Variants in SRSF11 observed in about 807,000 individuals in gnomAD.
SRSF11 encodes serine/arginine-rich splicing factor 11.
Under a neutral mutation model 56.0 loss-of-function variants are expected in SRSF11, and 9 were observed. The ratio of observed to expected loss-of-function variants is 0.16; its 90% CI spans 0.10 to 0.28. SRSF11 has a LOEUF of 0.28. Among genes scored for constraint, SRSF11 ranks in the 10% least tolerant of loss-of-function variants. The pLI is 1.00. For synonymous variants in SRSF11, 222 were observed against 215.3 expected, an observed-to-expected ratio of 1.03 and a Z score of -0.27; for missense variants, 421 against 600.7, an observed-to-expected ratio of 0.70 and a Z score of 3.13.
chr1:70,230,857 C>T, intron 2 of SRSF11: 2 of 1,171,586 alleles, frequency 1.7e-6, no homozygotes, highest in Non-Finnish European at 2.1e-6. Context: ...CAAAATTATC[C>T]CATAATCTTT....
At chr1:70,242,989 T>C (rs914142232) in intron 7 of SRSF11, among the ~76,000 whole-genome samples, 13 of 152,090 alleles carry the variant, frequency 8.5e-5, no homozygotes, top group African/African-American at 3.1e-4. Flanking sequence ...AGGAATTGTT[T>C]AGTAAATAGT....
At position 70,251,137 on chromosome 1, in the gene SRSF11, T is replaced by C. The variant is rs1350446626; in HGVS notation, c.*332T>C. 1 of 214,028 alleles carries C rather than the reference T, an allele frequency of 4.7e-6. No individual in the cohort carries two copies. The highest frequency in any genetic ancestry group is 9.5e-6 in the Non-Finnish European group (1 of 105,436). 13.3% of individuals were successfully genotyped at this position (214,028 alleles called of 1,614,324 possible). Reference sequence around the variant, plus strand: ...CGTATGATATCCTTTATTAAGTAAGTTCACTTATAGTATTTCTATAATTTG... The same window carrying C: ...CGTATGATATCCTTTATTAAGTAAGCTCACTTATAGTATTTCTATAATTTG... On this transcript the variant is annotated 3_prime_UTR_variant, in exon 12 of 12. Coordinates refer to ENST00000370949, the MANE Select transcript of SRSF11 (RefSeq NM_001350605.2).
At chr1:70,240,347 G>A (rs1675063378) in intron 7 of SRSF11, among the ~76,000 whole-genome samples, 1 of 152,160 alleles carries the variant, frequency 6.6e-6, no homozygotes, top group Non-Finnish European at 1.5e-5. Context: ...TGCCAGTGAA[G>A]AAGATAGTGA....
intron 3 of SRSF11, 135 bp downstream of exon 3, chr1:70,232,512 C>A: frequency 1.6e-6 from 1 of 640,906 alleles, no homozygotes; most frequent in Admixed American, 3.2e-5. Flanking sequence ...ATCAAAATCA[C>A]AAATAGTATA....
At chr1:70,226,910 G>A (rs774711866) in intron 1 of SRSF11, among the ~76,000 whole-genome samples, 69 of 152,190 alleles carry the variant, frequency 4.5e-4, no homozygotes, top group Non-Finnish European at 7.9e-4. Flanking sequence ...TAGCAGCAGT[G>A]TTTCACATCT....
chr1:70,229,433 C>T, intron 2 of SRSF11: 1 of 1,072,436 alleles, frequency 9.3e-7, no homozygotes, highest in Non-Finnish European at 1.1e-6. Flanking sequence ...TCTAAAAAGC[C>T]ACTGTGACAA....
chr1:70,221,534 GAC>G lies in SRSF11; in HGVS notation c.-100_-99del. On this transcript the variant is annotated 5_prime_UTR_variant, in exon 1 of 12. Coordinates refer to ENST00000370949, the MANE Select transcript of SRSF11 (RefSeq NM_001350605.2). ...AGCAGTAGCAGAGGCTGTAGCATCG[GAC>G]ACCCTCCTCTCTCCCGCAATCCGGT... The G allele has an allele frequency of 4.2e-6, 6 of 1,436,950 alleles. No homozygotes were observed. Among genetic ancestry groups the G allele is most frequent in the Non-Finnish European group, 5.6e-6 (6 of 1,066,672 alleles). 89.0% of individuals were successfully genotyped at this position (1,436,950 alleles called of 1,614,324 possible). A position where few individuals can be genotyped will look rare whatever the true frequency, so the allele number is the denominator to read the frequency against.
chr1:70,218,171 T>C (rs1294128182), upstream of SRSF11, among the ~76,000 whole-genome samples: 3 of 152,156 alleles, frequency 2.0e-5, no homozygotes, highest in Non-Finnish European at 4.4e-5. Context: ...GGTTTCACCA[T>C]GTTAGCCAGG....
At chr1:70,228,868 C>A in intron 2 of SRSF11, 1 of 1,067,740 alleles carries the variant, frequency 9.4e-7, no homozygotes, top group Non-Finnish European at 1.1e-6. Context: ...TATGAAAAAG[C>A]CCTGAAGGTA....
intron 9 of SRSF11, among the ~76,000 whole-genome samples, chr1:70,247,999 G>C (rs1418837510): frequency 1.3e-5 from 2 of 152,086 alleles, no homozygotes; most frequent in Non-Finnish European, 2.9e-5. Context: ...AAATCAAAAA[G>C]ACAGATGATA....
rs1674375110 is a variant in SRSF11 at position 70,237,447 on chromosome 1, C to G, written c.613C>G (p.Leu205Val). The G allele has an allele frequency of 6.2e-7, 1 of 1,613,564 alleles. No individual in the cohort carries two copies. The highest frequency in any genetic ancestry group is 2.2e-5 in the East Asian group (1 of 44,848). Residue 205 changes from leucine to valine, a missense_variant, in exon 6 of 12, where the codon CTC (leucine) becomes GTC (valine). Leu to Val is a conservative substitution (Grantham distance 32). This residue lies in a region of SRSF11 where 168 missense variants were observed against 294.9 expected (regional missense o/e 0.57). Coordinates refer to ENST00000370949, the MANE Select transcript of SRSF11 (RefSeq NM_001350605.2). ...DPKLNHVAAG[L>V]VSPSLKSDTS... ...CAGGTTGAATCATGTAGCTGCTGGT[C>G]TCGTTTCACCAAGTCTGAAATCGGA...
At chr1:70,229,978 A>G in intron 2 of SRSF11, 1 of 985,418 alleles carries the variant, frequency 1.0e-6, no homozygotes, top group African/African-American at 1.7e-5. Flanking sequence ...AAGACCATCA[A>G]CAGAAAATTT....
At chr1:70,246,517 G>C (rs1300851451) in intron 8 of SRSF11, among the ~76,000 whole-genome samples, 1 of 152,014 alleles carries the variant, frequency 6.6e-6, no homozygotes, top group Non-Finnish European at 1.5e-5. Context: ...GAGGAGCCTA[G>C]AGATAGTTAA....
chr1:70,215,986 G>C (rs141739302), intron 1 of SRSF11, among the ~76,000 whole-genome samples: 1 of 152,098 alleles, frequency 6.6e-6, no homozygotes, highest in Non-Finnish European at 1.5e-5. Flanking sequence ...GGGTTTCTCC[G>C]TATTGGTCAG....
At chr1:70,247,242 A>AT (rs1462996016) in intron 9 of SRSF11, 12 of 371,164 alleles carry the variant, frequency 3.2e-5, no homozygotes, top group African/African-American at 2.4e-4. Flanking sequence ...TATATTTATC[A>AT]TCTGCATGTT....
intron 1 of SRSF11, 29 bp from the exon 2 acceptor site, chr1:70,228,393 C>T: frequency 3.2e-6 from 5 of 1,548,498 alleles, no homozygotes; most frequent in South Asian, 2.3e-5. Context: ...TATTCTGTTT[C>T]TCTTTTATGT....
intron 1 of SRSF11, among the ~76,000 whole-genome samples, chr1:70,213,347 A>G (rs1041084113): frequency 2.6e-5 from 4 of 152,240 alleles, no homozygotes; most frequent in Non-Finnish European, 5.9e-5. Context: ...TTACATTTAT[A>G]TAGTTTGAAT....
At chr1:70,232,454 G>T in intron 3 of SRSF11, 77 bp downstream of exon 3, 9 of 1,109,346 alleles carry the variant, frequency 8.1e-6, no homozygotes, top group Non-Finnish European at 1.2e-5. Context: ...TTTGAACTTT[G>T]TAAGTACTCA....
chr1:70,219,466 T>C (rs1670312875), upstream of SRSF11, among the ~76,000 whole-genome samples: 1 of 152,180 alleles, frequency 6.6e-6, no homozygotes, highest in Non-Finnish European at 1.5e-5. Context: ...AGACAAGAAA[T>C]AAAAAGTCTG....
Sources: allele counts gnomAD v4.1 joint callset (sites outside exome capture counted in the v4.1 genomes callset), GRCh38; gene constraint gnomAD v4.1.1; regional missense constraint gnomAD v4.1.1; transcripts MANE v1.5; gene names NCBI Gene and HGNC (gene_info 2026-07-23, HGNC 2026-07-21).